GAD2: variants seen among roughly 807,000 people sequenced by gnomAD.
GAD2 encodes the protein 65 kDa glutamic acid decarboxylase.
GAD2 carries 22 observed loss-of-function variants against 80.1 expected under a neutral mutation model. The ratio of observed to expected loss-of-function variants is 0.27; its 90% CI spans 0.20 to 0.39. The LOEUF (loss-of-function observed/expected upper bound fraction) is 0.39, where lower values mean the gene tolerates loss of function less well. Ranked by LOEUF, GAD2 falls within the 10% of genes least tolerant of loss-of-function variation. The pLI, the probability that GAD2 is intolerant of heterozygous loss-of-function variation, is 1.00. For missense variants in GAD2, 624 were observed against 738.4 expected, an observed-to-expected ratio of 0.85 and a Z score of 1.80; for synonymous variants, 274 against 256.9, an observed-to-expected ratio of 1.07 and a Z score of -0.64.
At chr10:26,224,684 T>C (rs762478232) in intron 6 of GAD2, 33 bp downstream of exon 6, 7 of 1,468,926 alleles carry the variant, frequency 4.8e-6, no homozygotes, top group Non-Finnish European at 6.7e-6. Flanking sequence ...TTGTGTTTTT[T>C]CTTCTAATAT....
At chr10:26,221,930 G>C (rs1417484255) in intron 4 of GAD2, among the ~76,000 whole-genome samples, 1 of 152,226 alleles carries the variant, frequency 6.6e-6, no homozygotes, top group African/African-American at 2.4e-5. Flanking sequence ...TCCTTGGAGA[G>C]AGCCCTGCCT....
intron 8 of GAD2, among the ~76,000 whole-genome samples, chr10:26,257,180 C>T (rs1844954169): frequency 6.6e-6 from 1 of 152,046 alleles, no homozygotes; most frequent in South Asian, 2.1e-4. Context: ...AGTTCAAGAC[C>T]AGCCTAACCA....
At chr10:26,218,270 C>G (rs1490770825) in intron 3 of GAD2, 1 of 358,910 alleles carries the variant, frequency 2.8e-6, no homozygotes, top group Non-Finnish European at 5.0e-6. Flanking sequence ...GATCCAGGCG[C>G]TCGTGCGCTC....
chr10:26,288,531 G>A (rs1834174445), intron 13 of GAD2, among the ~76,000 whole-genome samples: 1 of 152,158 alleles, frequency 6.6e-6, no homozygotes, highest in Non-Finnish European at 1.5e-5. Flanking sequence ...AAAACCCAAA[G>A]CAGTCAAGAA....
chr10:26,282,952 C>A (rs1029058658), intron 12 of GAD2, among the ~76,000 whole-genome samples: 1 of 152,078 alleles, frequency 6.6e-6, no homozygotes, highest in Non-Finnish European at 1.5e-5. Context: ...TATCATCTGC[C>A]CCAGCTCATG....
intron 11 of GAD2, among the ~76,000 whole-genome samples, 182 bp from the exon 12 acceptor site, chr10:26,280,827 C>G (rs1216596534): frequency 6.6e-6 from 1 of 151,790 alleles, no homozygotes; most frequent in Admixed American, 6.6e-5. Flanking sequence ...GCACTATATA[C>G]GTGTAATAAA....
intron 7 of GAD2, among the ~76,000 whole-genome samples, chr10:26,234,051 C>T (rs1381987015): frequency 2.0e-5 from 3 of 152,104 alleles, no homozygotes; most frequent in African/African-American, 4.8e-5. Flanking sequence ...CAGCCGGGTG[C>T]GGTGGCTCAC....
chr10:26,255,266 T>G (rs937960658), intron 8 of GAD2, among the ~76,000 whole-genome samples: 1 of 152,190 alleles, frequency 6.6e-6, no homozygotes, highest in Non-Finnish European at 1.5e-5. Flanking sequence ...AATCAAATGC[T>G]ACAACAGGTG....
At chr10:26,248,439 C>G (rs908475985) in intron 8 of GAD2, among the ~76,000 whole-genome samples, 10 of 152,182 alleles carry the variant, frequency 6.6e-5, no homozygotes, top group Non-Finnish European at 1.0e-4. Context: ...TTCCCCTCAT[C>G]TGAGGTTTAC....
At chr10:26,279,706 T>C (rs926412951) in intron 11 of GAD2, among the ~76,000 whole-genome samples, 1 of 152,064 alleles carries the variant, frequency 6.6e-6, no homozygotes, top group African/African-American at 2.4e-5. Flanking sequence ...ATAATGTAAA[T>C]CCCTGAGCAC....
At chr10:26,218,081 G>A in intron 3 of GAD2, 90 bp downstream of exon 3, 3 of 1,374,764 alleles carry the variant, frequency 2.2e-6, no homozygotes, top group Non-Finnish European at 2.9e-6. Context: ...CTGAGAGCCG[G>A]ACAGGGGCGT....
intron 13 of GAD2, among the ~76,000 whole-genome samples, chr10:26,291,818 G>A (rs895802630): frequency 6.6e-6 from 1 of 152,188 alleles, no homozygotes; most frequent in Admixed American, 6.5e-5. Flanking sequence ...TGGATTCAGA[G>A]CTTCCAGAGC....
In GAD2 at chr10:26,274,163, T is replaced by C. The variant is rs565622648; in HGVS notation, c.1157+463T>C. Among the ~76,000 whole-genome samples, 3 of 152,336 alleles carry C rather than the reference T, an allele frequency of 2.0e-5. No individual in the cohort carries two copies. In the South Asian group the frequency reaches 6.2e-4, roughly 32 times the overall value. ...ACTTATCAATGTTGAAAGTTTGGGT[T>C]TGGGGTCTAAGATGGCCAGTTCACT... is the stretch of plus-strand genomic sequence containing the variant. On this transcript the variant is annotated intron_variant, in intron 11 of 15. Coordinates refer to ENST00000376261, the MANE Select transcript of GAD2 (RefSeq NM_001134366.2).
intron 14 of GAD2, 66 bp from the exon 15 acceptor site, chr10:26,292,836 A>G (rs1834231620): frequency 8.5e-6 from 11 of 1,291,958 alleles, no homozygotes; most frequent in South Asian, 1.2e-5. Flanking sequence ...ATCGATTTGA[A>G]ATGTTCTTGG....
At chr10:26,269,262 A>C in intron 9 of GAD2, 89 bp downstream of exon 9, 1 of 1,099,200 alleles carries the variant, frequency 9.1e-7, no homozygotes, top group Non-Finnish European at 1.3e-6. Context: ...TTTTAAAAAG[A>C]GGATCCAAGC....
chr10:26,261,191 C>G (rs945978606), intron 8 of GAD2, among the ~76,000 whole-genome samples: 1 of 152,136 alleles, frequency 6.6e-6, no homozygotes, highest in African/African-American at 2.4e-5. Context: ...TTTTGGTAGT[C>G]AGAGTGATCA....
chr10:26,216,761 T>C, upstream of GAD2: 1 of 1,552,604 alleles, frequency 6.4e-7, no homozygotes, highest in Non-Finnish European at 8.8e-7. The surrounding 1 kb of genome is among the most constrained non-coding windows in gnomAD (Gnocchi z 4.7). Context: ...CCGAGGCAGC[T>C]CGCCCGCAGC....
At chr10:26,219,437 C>T in intron 4 of GAD2, 161 bp downstream of exon 4, 1 of 554,138 alleles carries the variant, frequency 1.8e-6, no homozygotes, top group East Asian at 3.0e-5. Flanking sequence ...GATTCTAATC[C>T]AAAGCACCTT....
intron 13 of GAD2, among the ~76,000 whole-genome samples, chr10:26,287,365 A>G (rs1260329176): frequency 6.6e-6 from 1 of 152,232 alleles, no homozygotes; most frequent in Non-Finnish European, 1.5e-5. Flanking sequence ...GTCAACCTTA[A>G]TAACAGAGAG....
Sources: allele counts gnomAD v4.1 joint callset (sites outside exome capture counted in the v4.1 genomes callset), GRCh38; gene constraint gnomAD v4.1.1; non-coding constraint Gnocchi (gnomAD v3.1); transcripts MANE v1.5; gene names NCBI Gene and HGNC (gene_info 2026-07-23, HGNC 2026-07-21).